MGAM: variants seen among roughly 807,000 people sequenced by gnomAD.
The protein encoded by MGAM is alpha-1,4-glucosidase.
In MGAM, 253 loss-of-function variants were observed where a neutral mutation model predicts 358.8. That is an observed-to-expected ratio of 0.71 (90% CI 0.64 to 0.78). MGAM has a LOEUF of 0.78. Among genes scored for constraint, MGAM ranks in the 30% least tolerant of loss-of-function variants. The pLI is 0.00. For missense variants in MGAM, 3,080 were observed against 3,432.6 expected (o/e 0.90, Z 2.57); for synonymous variants, 1,105 against 1,227.1 (o/e 0.90, Z 2.08).
intron 70 of MGAM, among the ~76,000 whole-genome samples, chr7:142,105,293 A>ATT (rs34188746): frequency 2.6e-4 from 38 of 148,056 alleles, no homozygotes; most frequent in South Asian, 1.1e-3. Flanking sequence ...CATATTGAAC[A>ATT]TTTTTTTTTT....
In MGAM at chr7:142,094,049, T is replaced by G. The variant is rs1197120112; in HGVS notation, c.7173-315T>G. Among the ~76,000 whole-genome samples, 5 of 146,726 alleles carry G rather than the reference T, an allele frequency of 3.4e-5. 1 individual carries two copies. In the South Asian group the frequency reaches 8.7e-4, roughly 26 times the overall value. On this transcript the variant is annotated intron_variant, in intron 60 of 70. Transcript: ENST00000475668. ...TCTTCTAAGGACGATCTTATAATCT[T>G]CACTGTGTTCCTCCTCAAATATAGA...
intron 26 of MGAM, among the ~76,000 whole-genome samples, chr7:142,053,517 G>A (rs1053914409): frequency 9.9e-5 from 15 of 152,138 alleles, no homozygotes; most frequent in East Asian, 5.8e-4. Context: ...TGCTGAATTT[G>A]AGATTTCTGT....
At position 142,036,966 on chromosome 7, in the gene MGAM, C is replaced by A; in HGVS notation, c.2220C>A (p.Pro740=). 6.2e-7 allele frequency: 1 copy of A among 1,613,100 alleles called. No homozygotes were observed. Among genetic ancestry groups the A allele is most frequent in the Non-Finnish European group, 8.5e-7 (1 of 1,179,444 alleles). ...GCCGAGGGGACACGGTGGCCAGGCC[C>A]CTTTTGCATGAGTAAGTTCACCTAA... is the stretch of plus-strand genomic sequence containing the variant. ...AHSRGDTVAR[P]LLHEFYEDNS... The change falls in exon 18 of 71, where the codon CCC becomes CCA. Residue 740 remains proline (P), a synonymous_variant. Coordinates refer to ENST00000475668, the MANE Select transcript of MGAM (RefSeq NM_001365693.1).
At chr7:142,018,209 C>T (rs752108262) in intron 3 of MGAM, among the ~76,000 whole-genome samples, 2 of 152,118 alleles carry the variant, frequency 1.3e-5, no homozygotes, top group Admixed American at 6.6e-5. Context: ...ATGGGATGAT[C>T]GTTTTCAAGC....
intron 21 of MGAM, among the ~76,000 whole-genome samples, chr7:142,044,377 A>ATAT (rs1809682317): frequency 3.2e-5 from 4 of 123,874 alleles, no homozygotes; most frequent in Non-Finnish European, 5.2e-5. Context: ...ATATATAATG[A>ATAT]ATATTATATA....
Position 142,082,205 on chromosome 7 carries a change from C to G in MGAM, c.6166C>G (p.Pro2056Ala), listed in dbSNP as rs750884804. Residue 2056 changes from proline (P) to alanine (A), a missense_variant, in exon 51 of 71, where the codon CCA becomes GCA. Transcript: ENST00000475668. ...TWGMFSRDQP[P>A]GYKKNSYGVH... ...GGGGATGTTCTCCCGAGACCAGCCC[C>G]CAGGGGTAAGGACAGAGCATTTGAG... 13 of 1,554,220 alleles carry G rather than the reference C, an allele frequency of 8.4e-6. 1 individual carries two copies. In the East Asian group the frequency reaches 3.0e-4, roughly 35 times the overall value.
At position 142,052,960 on chromosome 7, in the gene MGAM, T is replaced by A. The variant is rs1340489265; in HGVS notation, c.3135T>A (p.His1045Gln). The A allele has an allele frequency of 1.9e-6, 3 of 1,613,838 alleles. No homozygotes were observed. In the East Asian group the frequency reaches 6.7e-5, roughly 36 times the overall value. The change falls in exon 26 of 71, where the codon CAT becomes CAA. Residue 1045 changes from histidine (H) to glutamine (Q), a missense_variant. Transcript: ENST00000475668. ...CCCTTCGCCTGGATGTCACTTACCA[T>A]AAGAATGAAATGCTGCAGTTCAAGG... ...VNPLRLDVTY[H>Q]KNEMLQFKIY...
At chr7:142,055,801 C>T in intron 28 of MGAM, 75 bp downstream of exon 28, 2 of 1,591,490 alleles carry the variant, frequency 1.3e-6, no homozygotes, top group Non-Finnish European at 8.5e-7. Context: ...GCTTCATCTT[C>T]CCAAACTCCA....
intron 2 of MGAM, among the ~76,000 whole-genome samples, chr7:141,989,131 G>GGAGA (rs141287011): frequency 6.7e-5 from 10 of 148,178 alleles, no homozygotes; most frequent in East Asian, 6.0e-4. Flanking sequence ...AGAGAAAGAG[G>GGAGA]GAGAGAGAGA....
intron 10 of MGAM, among the ~76,000 whole-genome samples, chr7:142,029,129 T>A (rs1807225192): frequency 6.6e-6 from 1 of 152,040 alleles, no homozygotes; most frequent in South Asian, 2.1e-4. Flanking sequence ...GGCAGGCAGA[T>A]CACGAGGTCA....
chr7:141,987,744 T>C (rs1358960429), intron 2 of MGAM, among the ~76,000 whole-genome samples: 1 of 152,096 alleles, frequency 6.6e-6, no homozygotes, highest in Non-Finnish European at 1.5e-5. Context: ...GCAAATCCAC[T>C]TTGAATTTGT....
intron 21 of MGAM, among the ~76,000 whole-genome samples, chr7:142,047,246 T>C (rs374678849): frequency 1.3e-5 from 2 of 152,334 alleles, no homozygotes; most frequent in African/African-American, 4.8e-5. Flanking sequence ...TTCTAAATTA[T>C]AGAGTAGATT....
intron 66 of MGAM, 104 bp from the exon 67 acceptor site, chr7:142,099,509 G>A (rs1293901810): frequency 1.2e-5 from 19 of 1,557,674 alleles, no homozygotes; most frequent in South Asian, 1.0e-4. Flanking sequence ...AGGGTGATGA[G>A]CAGGCATAAG....
upstream of MGAM, among the ~76,000 whole-genome samples, chr7:141,995,584 C>T (rs551333541): frequency 4.7e-4 from 72 of 152,240 alleles, no homozygotes; most frequent in African/African-American, 1.5e-3. Context: ...TCTTTATCAT[C>T]TACAAATTGT....
intron 54 of MGAM, among the ~76,000 whole-genome samples, chr7:142,085,232 A>G (rs1814646409): frequency 6.8e-6 from 1 of 146,664 alleles, no homozygotes; most frequent in Non-Finnish European, 1.5e-5. Flanking sequence ...GTACCATCGC[A>G]TATCTAATTG....
chr7:142,031,598 A>G, intron 12 of MGAM, 82 bp from the exon 13 acceptor site: 1 of 938,240 alleles, frequency 1.1e-6, no homozygotes, highest in Non-Finnish European at 1.7e-6. Context: ...TGATCATATT[A>G]GGAATTTCTT....
In MGAM at chr7:142,051,996, A is replaced by G. The variant is rs532048879; in HGVS notation, c.2806-298A>G. ...TGACATCATGTGTCATCTCACAGCG[A>G]GCTAAGAGGAGTCAGGGTAGAAAAG... On this transcript the variant is annotated intron_variant, in intron 24 of 70. Coordinates refer to ENST00000475668, the MANE Select transcript of MGAM (RefSeq NM_001365693.1). 4.6e-5 allele frequency among the ~76,000 whole-genome samples: 7 copies of G among 152,210 alleles called. No individual in the cohort carries two copies. The South Asian group carries it at 1.5e-3, about 32-fold the overall frequency.
chr7:141,990,394 T>C (rs1351543179), intron 2 of MGAM, among the ~76,000 whole-genome samples: 1 of 152,188 alleles, frequency 6.6e-6, no homozygotes, highest in Non-Finnish European at 1.5e-5. Flanking sequence ...AGAAGTAATA[T>C]TCTTCTGGAC....
intron 34 of MGAM, among the ~76,000 whole-genome samples, chr7:142,061,742 A>G (rs1419144550): frequency 6.6e-6 from 1 of 152,192 alleles, no homozygotes; most frequent in Non-Finnish European, 1.5e-5. Flanking sequence ...AACAAACAAC[A>G]TGAGTATATT....
Sources: allele counts gnomAD v4.1 joint callset (sites outside exome capture counted in the v4.1 genomes callset), GRCh38; gene constraint gnomAD v4.1.1; transcripts MANE v1.5; gene names NCBI Gene and HGNC (gene_info 2026-07-23, HGNC 2026-07-21).